MX2: variants seen among roughly 807,000 people sequenced by gnomAD.
MX2 encodes interferon-induced GTP-binding protein Mx2.
Under a neutral mutation model 74.0 loss-of-function variants are expected in MX2, and 51 were observed. That is an observed-to-expected ratio of 0.69 (90% CI 0.55 to 0.87). MX2 has a LOEUF of 0.87. Among genes scored for constraint, MX2 ranks in the 40% least tolerant of loss-of-function variants. The pLI is 0.00. For synonymous variants in MX2, 369 were observed against 339.3 expected (o/e 1.09, Z -0.96); for missense variants, 832 against 908.7 (o/e 0.92, Z 1.09).
In MX2 at chr21:41,395,664, C is replaced by A; in HGVS notation, c.949C>A (p.Pro317Thr). The A allele has an allele frequency of 1.2e-6, 2 of 1,614,130 alleles. No individual in the cohort carries two copies. Among genetic ancestry groups the A allele is most frequent in the South Asian group, 1.1e-5 (1 of 91,080 alleles). Residue 317 changes from proline to threonine, a missense_variant, in exon 7 of 14, where the codon CCC becomes ACC. Pro to Thr is a conservative substitution (Grantham distance 38, BLOSUM62 -1). Transcript: ENST00000330714. ...VMNVVRNLTY[P>T]LKKGYMIVKC... The stretch of plus-strand genomic sequence containing the variant: ...GAATGTGGTGCGGAACCTCACGTAC[C>A]CCCTCAAGAAGGGCTACATGATTGT...
intron 5 of MX2, among the ~76,000 whole-genome samples, chr21:41,383,799 G>A (rs570029368): frequency 2.7e-4 from 41 of 152,254 alleles, no homozygotes; most frequent in African/African-American, 7.7e-4. Flanking sequence ...AAATTAGCTC[G>A]TATCACTTGC....
At chr21:41,379,621 G>A (rs1262201277) in intron 3 of MX2, among the ~76,000 whole-genome samples, 1 of 152,090 alleles carries the variant, frequency 6.6e-6, no homozygotes, top group Non-Finnish European at 1.5e-5. Context: ...TACAGGGCCT[G>A]GGGCAGACAC....
chr21:41,382,796 C>T (rs751282830), intron 5 of MX2, among the ~76,000 whole-genome samples: 13 of 152,200 alleles, frequency 8.5e-5, no homozygotes, highest in Non-Finnish European at 8.8e-5. Context: ...GGATAGTGTA[C>T]GCCCTGCCCA....
At position 41,382,825 on chromosome 21, in the gene MX2, C is replaced by G. The variant is rs538502273; in HGVS notation, c.732+261C>G. On this transcript the variant is annotated intron_variant, in intron 5 of 13. Coordinates refer to ENST00000330714, the MANE Select transcript of MX2 (RefSeq NM_002463.2). ...CTGCCCAGTCATTCAGGACTGTGAA[C>G]CCGGTGTGATCAGTTGTGATCAGTT... is the stretch of plus-strand genomic sequence containing the variant. 5.9e-5 allele frequency among the ~76,000 whole-genome samples: 9 copies of G among 152,344 alleles called. No individual in the cohort carries two copies. In the South Asian group the frequency reaches 1.7e-3, roughly 28 times the overall value.
chr21:41,396,480 G>A lies in MX2; in HGVS notation c.1070+695G>A, dbSNP rs1340084553. ...CACTCCTGCTTGAAGGAGAGCTAAT[G>A]GGAAAACTGAATTTGGGCCGAGTAG... On this transcript the variant is annotated intron_variant, in intron 7 of 13. Coordinates refer to ENST00000330714, the MANE Select transcript of MX2 (RefSeq NM_002463.2). Among the ~76,000 whole-genome samples, 8 of 18,844 alleles carry A rather than the reference G, an allele frequency of 4.2e-4. No homozygotes were observed. In the African/African-American group the frequency reaches 4.9e-3, roughly 12 times the overall value. The allele number at this position is 18,844 out of a possible 152,430, so 12.4% of individuals were successfully genotyped here.
In MX2 at chr21:41,402,309, G is replaced by C. The variant is rs926406040; in HGVS notation, c.1573+181G>C. 1 of 656,248 alleles carries C rather than the reference G, an allele frequency of 1.5e-6. No homozygotes were observed. The highest frequency in any genetic ancestry group is 2.4e-6 in the Non-Finnish European group (1 of 418,042). 40.7% of individuals were successfully genotyped at this position (656,248 alleles called of 1,614,324 possible). Reference sequence around the variant, plus strand: ...GCAGCACTGGCAAGGCCTGAGAGCTGGTCAGAGCTACCGATTCTGCCCTTC... The same window carrying C: ...GCAGCACTGGCAAGGCCTGAGAGCTCGTCAGAGCTACCGATTCTGCCCTTC... On this transcript the variant is annotated intron_variant, in intron 11 of 13. Coordinates refer to ENST00000330714, the MANE Select transcript of MX2 (RefSeq NM_002463.2). This position sits in a 1 kb window ranked among gnomAD's most constrained non-coding sequence, Gnocchi z 4.5.
chr21:41,387,623 C>A (rs1601413887), intron 5 of MX2, among the ~76,000 whole-genome samples: 1 of 152,178 alleles, frequency 6.6e-6, no homozygotes, highest in Non-Finnish European at 1.5e-5. Flanking sequence ...GAGATCCATT[C>A]TTCCCATTGA....
At chr21:41,375,935 G>A (rs971378451) in intron 1 of MX2, among the ~76,000 whole-genome samples, 3 of 152,166 alleles carry the variant, frequency 2.0e-5, no homozygotes, top group Non-Finnish European at 2.9e-5. Context: ...TGGCCCTCCC[G>A]GATGTCAGTT....
chr21:41,365,038 A>G (rs1316535244), intron 1 of MX2: 4 of 152,200 alleles, frequency 2.6e-5, no homozygotes. Flanking sequence ...ACTCAGTATT[A>G]ACCATCACAC....
In MX2 at chr21:41,387,952, G is replaced by A. The variant is rs540051205; in HGVS notation, c.733-2613G>A. Among the ~76,000 whole-genome samples, 7 of 152,038 alleles carry A rather than the reference G, an allele frequency of 4.6e-5. 1 individual carries two copies. The South Asian group carries it at 8.3e-4, about 18-fold the overall frequency. On this transcript the variant is annotated intron_variant, in intron 5 of 13. Transcript: ENST00000330714. ...CCTCCCTTTTCTCCTCCTCTCACAC[G>A]ACACGTCCAGTCCACCTACAAAGCC...
chr21:41,370,334 G>T (rs1160700445), intron 1 of MX2: 2 of 152,252 alleles, frequency 1.3e-5, no homozygotes, highest in Non-Finnish European at 2.9e-5. Flanking sequence ...AGATTGTATC[G>T]CTAGGAGCCC....
At chr21:41,373,357 C>T (rs938301713) in intron 1 of MX2, among the ~76,000 whole-genome samples, 5 of 152,198 alleles carry the variant, frequency 3.3e-5, no homozygotes, top group Non-Finnish European at 7.3e-5. Context: ...GTCACCAATG[C>T]ATGATGTGAC....
chr21:41,368,472 C>T lies in MX2; in HGVS notation c.-72+6417C>T, dbSNP rs1306781804. ...TGGGGAGGGGGACTGAGGGAATTCT[C>T]ATCCCCTACATGTCACCCCACGGCT... On this transcript the variant is annotated intron_variant, in intron 1 of 13. Transcript: ENST00000330714. This position sits in a 1 kb window ranked among gnomAD's most constrained non-coding sequence, Gnocchi z 4.6. 1.3e-5 allele frequency among the ~76,000 whole-genome samples: 2 copies of T among 152,152 alleles called. No individual in the cohort carries two copies. Among genetic ancestry groups the T allele is most frequent in the African/African-American group, 2.4e-5 (1 of 41,434 alleles).
intron 5 of MX2, among the ~76,000 whole-genome samples, chr21:41,386,906 GC>G (rs1242002842): frequency 6.6e-6 from 1 of 152,136 alleles, no homozygotes; most frequent in East Asian, 1.9e-4. Context: ...GGCCAGTAAA[GC>G]CCCTTCCTCA....
chr21:41,374,433 T>A lies in MX2; in HGVS notation c.-71-2403T>A, dbSNP rs563284386. The stretch of plus-strand genomic sequence containing the variant: ...CAGAGGCTTGTGCATGGCTTTGGGA[T>A]CCCGGGCGGCAGGAGTAGGGTCTGG... On this transcript the variant is annotated intron_variant, in intron 1 of 13. Coordinates refer to ENST00000330714, the MANE Select transcript of MX2 (RefSeq NM_002463.2). 2.0e-5 allele frequency among the ~76,000 whole-genome samples: 3 copies of A among 152,268 alleles called. No homozygotes were observed. In the South Asian group the frequency reaches 6.2e-4, roughly 32 times the overall value.
At chr21:41,387,255 T>C (rs879823981) in intron 5 of MX2, among the ~76,000 whole-genome samples, 5 of 152,274 alleles carry the variant, frequency 3.3e-5, no homozygotes, top group South Asian at 4.1e-4. Context: ...CAAGAACACA[T>C]GTGTCTTTCA....
intron 3 of MX2, 99 bp downstream of exon 3, chr21:41,378,080 G>T (rs1437216824): frequency 1.4e-6 from 2 of 1,402,296 alleles, no homozygotes; most frequent in Non-Finnish European, 1.9e-6. Context: ...CAGGCTGCTG[G>T]GTGAGAGAGC....
chr21:41,404,895 AAAG>A (rs1374258433), intron 12 of MX2: 72 of 151,280 alleles, frequency 4.8e-4, no homozygotes, highest in African/African-American at 1.7e-3. Context: ...AAAAAAAGAA[AAAG>A]AAAAAAAAAA....
At position 41,378,822 on chromosome 21, in the gene MX2, G is replaced by T. The variant is rs556278947; in HGVS notation, c.442+841G>T. Among the ~76,000 whole-genome samples the T allele has an allele frequency of 4.5e-4, 69 of 152,304 alleles. 1 individual carries two copies. The highest frequency in any genetic ancestry group is 1.6e-3 in the African/African-American group (66 of 41,566). ...TCCAGAACCCAAGAAGGAGCAGCAT[G>T]CAGGGGCCCTGGCAGGTGCAGCGGC... On this transcript the variant is annotated intron_variant, in intron 3 of 13. Coordinates refer to ENST00000330714, the MANE Select transcript of MX2 (RefSeq NM_002463.2).
Sources: allele counts gnomAD v4.1 joint callset (sites outside exome capture counted in the v4.1 genomes callset), GRCh38; gene constraint gnomAD v4.1.1; non-coding constraint Gnocchi (gnomAD v3.1); transcripts MANE v1.5; gene names NCBI Gene and HGNC (gene_info 2026-07-23, HGNC 2026-07-21).